NFATC3: variants seen among roughly 807,000 people sequenced by gnomAD.
NFATC3 encodes the protein nuclear factor of activated T cells 3.
NFATC3 carries 46 observed loss-of-function variants against 98.6 expected under a neutral mutation model. The observed-to-expected ratio is 0.47, with a 90% CI of 0.37 to 0.60. The LOEUF (loss-of-function observed/expected upper bound fraction) is 0.60, where lower values mean the gene tolerates loss of function less well. Among genes scored for constraint, NFATC3 ranks in the 20% least tolerant of loss-of-function variants. The pLI, the probability that NFATC3 is intolerant of heterozygous loss-of-function variation, is 0.00. For missense variants in NFATC3, 1,256 were observed against 1,295.5 expected, an observed-to-expected ratio of 0.97 and a Z score of 0.47; for synonymous variants, 512 against 472.2, an observed-to-expected ratio of 1.08 and a Z score of -1.09.
At chr16:68,089,298 C>G (rs1337589226) in intron 1 of NFATC3, 6 of 982,932 alleles carry the variant, frequency 6.1e-6, no homozygotes, top group Non-Finnish European at 7.2e-6. Context: ...GTGAGATGGA[C>G]TTGATAACGC....
chr16:68,206,603 T>G (rs926646674), intron 9 of NFATC3, among the ~76,000 whole-genome samples: 4 of 152,264 alleles, frequency 2.6e-5, no homozygotes, highest in African/African-American at 9.6e-5. Flanking sequence ...TTATATAGCA[T>G]ATTATTTACA....
In NFATC3 at chr16:68,123,140, C is replaced by T. The variant is rs780601210; in HGVS notation, c.1238+19C>T. 1.3e-6 allele frequency: 2 copies of T among 1,575,962 alleles called. No individual in the cohort carries two copies. The highest frequency in any genetic ancestry group is 2.2e-5 in the East Asian group (1 of 44,694). ...TATTTCGGTGAGTTGATGGAAATGG[C>T]TGCTGGTCATTTTTCATGTTTATGG... On this transcript the variant is annotated intron_variant, in intron 2 of 9. Transcript: ENST00000346183.
chr16:68,147,151 G>GTGGCT (rs2038078427), intron 3 of NFATC3, among the ~76,000 whole-genome samples: 2 of 152,282 alleles, frequency 1.3e-5, no homozygotes, highest in East Asian at 1.9e-4. Flanking sequence ...TAAAAAGCAA[G>GTGGCT]TGGCTTATGA....
intron 3 of NFATC3, among the ~76,000 whole-genome samples, chr16:68,130,814 T>A (rs368117782): frequency 6.6e-6 from 1 of 152,298 alleles, no homozygotes; most frequent in South Asian, 2.1e-4. Context: ...TGAGTTGATT[T>A]TTTTGTATAT....
At chr16:68,098,294 A>ATTTTTTTTTTTTTTT (rs1376071084) in intron 1 of NFATC3, among the ~76,000 whole-genome samples, 2 of 104,444 alleles carry the variant, frequency 1.9e-5, no homozygotes, top group African/African-American at 8.8e-5. Flanking sequence ...TATTATTATT[A>ATTTTTTTTTTTTTTT]TTATTATTTT....
chr16:68,087,618 T>C (rs1245444652), intron 1 of NFATC3, among the ~76,000 whole-genome samples: 1 of 152,110 alleles, frequency 6.6e-6, no homozygotes, highest in African/African-American at 2.4e-5. Context: ...GTGCATTCAG[T>C]GTTGTGCAGC....
chr16:68,168,221 C>T (rs1045167202), intron 5 of NFATC3, among the ~76,000 whole-genome samples: 10 of 151,210 alleles, frequency 6.6e-5, no homozygotes, highest in Non-Finnish European at 1.0e-4. Flanking sequence ...AATGTGGTGG[C>T]GCAATCTCAA....
At position 68,178,036 on chromosome 16, in the gene NFATC3, C is replaced by T. The variant is rs190729119; in HGVS notation, c.1916-3439C>T. On this transcript the variant is annotated intron_variant, in intron 6 of 9. Transcript: ENST00000346183. ...CTTTATTCTTGTTTGTTTTTTTATA[C>T]GAATTTTTCTGGCTCTTAAATATAG... 1.0e-3 allele frequency among the ~76,000 whole-genome samples: 156 copies of T among 152,040 alleles called. 1 individual carries two copies. Among genetic ancestry groups the T allele is most frequent in the African/African-American group, 3.4e-3 (140 of 41,500 alleles).
At chr16:68,092,132 G>C (rs1480412550) in intron 1 of NFATC3, among the ~76,000 whole-genome samples, 1 of 152,046 alleles carries the variant, frequency 6.6e-6, no homozygotes, top group East Asian at 1.9e-4. Flanking sequence ...TTTAATCTTT[G>C]GGACAGTTCT....
chr16:68,086,118 C>G (rs2034358599), intron 1 of NFATC3, among the ~76,000 whole-genome samples: 1 of 152,172 alleles, frequency 6.6e-6, no homozygotes, highest in African/African-American at 2.4e-5. Context: ...AAAATGTTGT[C>G]CCTGTGAATT....
chr16:68,204,410 C>T (rs1162949590), intron 9 of NFATC3, among the ~76,000 whole-genome samples: 2 of 152,158 alleles, frequency 1.3e-5, no homozygotes, highest in African/African-American at 2.4e-5. Flanking sequence ...TCTTGATAAA[C>T]TCATATTTTT....
At chr16:68,102,175 G>A (rs2035399704) in intron 1 of NFATC3, among the ~76,000 whole-genome samples, 2 of 151,960 alleles carry the variant, frequency 1.3e-5, no homozygotes, top group Admixed American at 6.6e-5. Flanking sequence ...TTAGAGACTA[G>A]CCTGGCCAAC....
At chr16:68,089,450 T>G (rs2034582498) in intron 1 of NFATC3, 1 of 240,592 alleles carries the variant, frequency 4.2e-6, no homozygotes, top group African/African-American at 2.3e-5. Flanking sequence ...ATTTATTTTT[T>G]TAGACAGTCA....
intron 3 of NFATC3, among the ~76,000 whole-genome samples, chr16:68,149,838 A>G (rs1267995126): frequency 6.6e-6 from 1 of 152,230 alleles, no homozygotes; most frequent in Non-Finnish European, 1.5e-5. Context: ...TGAGCAAATC[A>G]TATAAACAGC....
At chr16:68,138,646 A>T (rs2037576602) in intron 3 of NFATC3, 1 of 1,288,724 alleles carries the variant, frequency 7.8e-7, no homozygotes. Context: ...AATCATCACC[A>T]CTTACAATTT....
rs771554934 is a variant in NFATC3 at position 68,191,760 on chromosome 16, A to G, written c.3091A>G (p.Ile1031Val). Residue 1031 changes from isoleucine (I) to valine (V), a missense_variant, in exon 9 of 10, where the codon ATC (isoleucine) becomes GTC (valine). Coordinates refer to ENST00000346183, the MANE Select transcript of NFATC3 (RefSeq NM_173165.3). ...PNFATIGLQD[I>V]TLDDVNEIIG... Reference sequence around the variant, plus strand: ...CTTTGCAACCATTGGTCTGCAGGACATCACTTTAGATGATGGTAAGTTCAT... The same window carrying G: ...CTTTGCAACCATTGGTCTGCAGGACGTCACTTTAGATGATGGTAAGTTCAT... The G allele has an allele frequency of 3.7e-6, 6 of 1,614,094 alleles. No homozygotes were observed. The East Asian group carries it at 1.1e-4, about 30-fold the overall frequency.
At chr16:68,162,689 G>T (rs1212439113) in intron 4 of NFATC3, among the ~76,000 whole-genome samples, 1 of 151,066 alleles carries the variant, frequency 6.6e-6, no homozygotes, top group Non-Finnish European at 1.5e-5. Flanking sequence ...CGACAAGGTT[G>T]ACTTTATAGA....
In NFATC3 at chr16:68,086,255, A is replaced by G. The variant is rs114705468; in HGVS notation, c.103+471A>G. ...CGTGTTTTTTTAAGTCTACTTTGCTAGAAGAGTAATGCTTTCGAGTTAACG... is the reference window on the plus strand; with the variant it reads ...CGTGTTTTTTTAAGTCTACTTTGCTGGAAGAGTAATGCTTTCGAGTTAACG... On this transcript the variant is annotated intron_variant, in intron 1 of 9. Coordinates refer to ENST00000346183, the MANE Select transcript of NFATC3 (RefSeq NM_173165.3). Among the ~76,000 whole-genome samples, 771 of 152,280 alleles carry G rather than the reference A, an allele frequency of 5.1e-3. 8 individuals carry two copies. Among genetic ancestry groups the G allele is most frequent in the African/African-American group, 0.017 (703 of 41,540 alleles).
chr16:68,112,403 G>T (rs1379482148), intron 1 of NFATC3, among the ~76,000 whole-genome samples: 2 of 145,458 alleles, frequency 1.4e-5, no homozygotes, highest in African/African-American at 5.1e-5. Context: ...TCAGCCGCCC[G>T]AGTAGCTGGG....
Sources: allele counts gnomAD v4.1 joint callset (sites outside exome capture counted in the v4.1 genomes callset), GRCh38; gene constraint gnomAD v4.1.1; transcripts MANE v1.5; gene names NCBI Gene and HGNC (gene_info 2026-07-23, HGNC 2026-07-21).